The following DNM1L variants were observed in gnomAD, a reference collection of about 807,000 sequenced individuals.
The protein encoded by DNM1L is dynamin-1-like protein.
Under a neutral mutation model 92.8 loss-of-function variants are expected in DNM1L, and 33 were observed. The ratio of observed to expected loss-of-function variants is 0.36; its 90% CI spans 0.27 to 0.48. DNM1L has a LOEUF of 0.48. DNM1L is among the 20% of genes least tolerant of loss of function. The pLI is 0.99. For synonymous variants in DNM1L, 284 were observed against 305.0 expected (o/e 0.93, Z 0.72); for missense variants, 485 against 888.8 (o/e 0.55, Z 5.78).
intron 6 of DNM1L, among the ~76,000 whole-genome samples, chr12:32,714,514 C>T (rs892349126): frequency 4.6e-5 from 7 of 151,734 alleles, no homozygotes; most frequent in South Asian, 2.1e-4. Context: ...CCTCGTGATC[C>T]GCCCGCCTCG....
intron 1 of DNM1L, among the ~76,000 whole-genome samples, chr12:32,700,999 G>A (rs986199553): frequency 3.9e-5 from 6 of 152,072 alleles, no homozygotes; most frequent in South Asian, 2.1e-4. Context: ...GTCTGTGGCC[G>A]GGCATGGTGG....
intron 2 of DNM1L, among the ~76,000 whole-genome samples, chr12:32,704,320 C>T (rs1020136534): frequency 1.3e-5 from 2 of 152,022 alleles, no homozygotes; most frequent in Non-Finnish European, 2.9e-5. Flanking sequence ...GAGGCCGAGG[C>T]GGGTGGATCA....
In DNM1L at chr12:32,694,981, C is replaced by T. The variant is rs533198324; in HGVS notation, c.103-6434C>T. Among the ~76,000 whole-genome samples the T allele has an allele frequency of 2.6e-5, 4 of 152,192 alleles. No individual in the cohort carries two copies. In the South Asian group the frequency reaches 8.3e-4, roughly 32 times the overall value. ...TGTAAAGTCTGAAGGGACTAGCGCT[C>T]CTTCATGAAACTTTAAAAACTAACC... On this transcript the variant is annotated intron_variant, in intron 1 of 19. Transcript: ENST00000549701.
At chr12:32,725,329 G>GT (rs1260903173) in intron 9 of DNM1L, 1 of 152,178 alleles carries the variant, frequency 6.6e-6, no homozygotes, top group Non-Finnish European at 1.5e-5. Context: ...GTCAAATGAT[G>GT]TAAGTTCATC....
chr12:32,706,362 A>G (rs1952926641), intron 2 of DNM1L, among the ~76,000 whole-genome samples: 1 of 152,218 alleles, frequency 6.6e-6, no homozygotes, highest in Non-Finnish European at 1.5e-5. Flanking sequence ...GGAGGCTGAT[A>G]TGCATTATTC....
In DNM1L at chr12:32,727,345, T is replaced by A. The variant is rs1954218283; in HGVS notation, c.1080-3669T>A. 4 of 795,048 alleles carry A rather than the reference T, an allele frequency of 5.0e-6. No individual in the cohort carries two copies. In the Admixed American group the frequency reaches 6.8e-5, roughly 13 times the overall value. The allele number at this position is 795,048 out of a possible 1,614,324, so 49.2% of individuals were successfully genotyped here. On this transcript the variant is annotated intron_variant, in intron 9 of 19. Transcript: ENST00000549701. ...GCATTCACTCCTCTTTTAACTACCC[T>A]AGCTAGGCAGGTTGTCAATGTCTGC...
chr12:32,718,026 A>AT (rs1592626703), intron 6 of DNM1L, among the ~76,000 whole-genome samples: 3 of 127,200 alleles, frequency 2.4e-5, no homozygotes. Flanking sequence ...TATATATTAT[A>AT]AATATATACT....
In DNM1L at chr12:32,691,988, C is replaced by T. The variant is rs7133544; in HGVS notation, c.103-9427C>T. Among the ~76,000 whole-genome samples the T allele has an allele frequency of 2.8e-3, 403 of 144,508 alleles. 4 individuals carry two copies. The highest frequency in any genetic ancestry group is 0.01 in the African/African-American group (369 of 36,194). 94.8% of individuals were successfully genotyped at this position (144,508 alleles called of 152,430 possible). On this transcript the variant is annotated intron_variant, in intron 1 of 19. Transcript: ENST00000549701. ...GAGGAAAAAAAAAAGCTTTCTTAAA[C>T]GGGAAAGAGAATCAGACTGGCATTA...
At chr12:32,733,674 T>C in intron 12 of DNM1L, 41 bp from the exon 13 acceptor site, 1 of 1,502,924 alleles carries the variant, frequency 6.7e-7, no homozygotes, top group South Asian at 1.1e-5. Context: ...AAAATATGGT[T>C]GATGTATTTT....
chr12:32,735,244 C>T (rs1954791517), intron 13 of DNM1L, among the ~76,000 whole-genome samples: 1 of 152,028 alleles, frequency 6.6e-6, no homozygotes, highest in Non-Finnish European at 1.5e-5. Flanking sequence ...TTAATCTTTA[C>T]CATACCCTGA....
intron 1 of DNM1L, among the ~76,000 whole-genome samples, chr12:32,682,324 G>C (rs1387597378): frequency 1.3e-5 from 2 of 152,084 alleles, no homozygotes; most frequent in African/African-American, 4.8e-5. Context: ...TAGAGACAGA[G>C]TTTCTCCATG....
chr12:32,732,117 T>C (rs1446336214), intron 12 of DNM1L, among the ~76,000 whole-genome samples, 174 bp downstream of exon 12: 2 of 152,214 alleles, frequency 1.3e-5, no homozygotes, highest in Non-Finnish European at 2.9e-5. Flanking sequence ...GGAAAATTTT[T>C]AATAATTCTG....
intron 1 of DNM1L, among the ~76,000 whole-genome samples, chr12:32,695,507 C>G (rs1361615547): frequency 6.6e-6 from 1 of 152,222 alleles, no homozygotes; most frequent in Non-Finnish European, 1.5e-5. Context: ...TGGTGGCTCA[C>G]ACCTGTAATC....
At chr12:32,682,227 G>A (rs1390128167) in intron 1 of DNM1L, among the ~76,000 whole-genome samples, 1 of 151,990 alleles carries the variant, frequency 6.6e-6, no homozygotes, top group Non-Finnish European at 1.5e-5. Flanking sequence ...CTGCCTCCCG[G>A]CTTCAAGTGA....
chr12:32,711,805 C>T (rs1389307957), intron 5 of DNM1L, among the ~76,000 whole-genome samples: 1 of 152,038 alleles, frequency 6.6e-6, no homozygotes, highest in African/African-American at 2.4e-5. Context: ...ATTGCTTGAG[C>T]CTAGGAATTT....
In DNM1L at chr12:32,743,737, G is replaced by A. The variant is rs1002064304; in HGVS notation, c.*327G>A. 1 of 330,022 alleles carries A rather than the reference G, an allele frequency of 3.0e-6. No homozygotes were observed. Among genetic ancestry groups the A allele is most frequent in the African/African-American group, 2.1e-5 (1 of 47,464 alleles). 20.4% of individuals were successfully genotyped at this position (330,022 alleles called of 1,614,324 possible). On this transcript the variant is annotated 3_prime_UTR_variant, in exon 20 of 20. Coordinates refer to ENST00000549701, the MANE Select transcript of DNM1L (RefSeq NM_012062.5). ...TTTGCCTGTGGATAAGATGACCTGT[G>A]TAATAATCTTTGTTAGTAGTCTTAA...
At chr12:32,737,700 A>G (rs1355131761) in intron 14 of DNM1L, 165 bp from the exon 15 acceptor site, 2 of 630,172 alleles carry the variant, frequency 3.2e-6, no homozygotes, top group Non-Finnish European at 5.7e-6. Context: ...CAAAGGTGAC[A>G]ATGGTGAAGG....
chr12:32,698,566 G>A (rs1952565620), intron 1 of DNM1L, among the ~76,000 whole-genome samples: 1 of 152,110 alleles, frequency 6.6e-6, no homozygotes, highest in African/African-American at 2.4e-5. Flanking sequence ...TAATTTGAGT[G>A]GGCCATCTGC....
chr12:32,740,132 G>A lies in DNM1L; in HGVS notation c.1776G>A (p.Met592Ile), dbSNP rs774993840. The A allele has an allele frequency of 9.3e-6, 15 of 1,614,046 alleles. No homozygotes were observed. The change falls in exon 17 of 20, where the codon ATG becomes ATA. Residue 592 changes from methionine (M) to isoleucine (I), a missense_variant. Physicochemically the swap from Met to Ile is conservative, Grantham distance 10 (BLOSUM62 1). Around this residue, in one of 11 missense-constraint regions of DNM1L, gnomAD observed 133 missense variants for 210.9 expected, o/e 0.63. Coordinates refer to ENST00000549701, the MANE Select transcript of DNM1L (RefSeq NM_012062.5). ...CAACCACAGGCAACTGGAGAGGAAT[G>A]CTGAAAACTTCAAAAGCTGAAGAGT... is the stretch of plus-strand genomic sequence containing the variant. ...QEPTTGNWRG[M>I]LKTSKAEELL...
Sources: allele counts gnomAD v4.1 joint callset (sites outside exome capture counted in the v4.1 genomes callset), GRCh38; gene constraint gnomAD v4.1.1; regional missense constraint gnomAD v4.1.1; transcripts MANE v1.5; gene names NCBI Gene and HGNC (gene_info 2026-07-23, HGNC 2026-07-21).